Variants in PHF11 observed in about 807,000 individuals in gnomAD.
PHF11 encodes the protein BRCA1 C-terminus-associated protein.
In PHF11, 38 loss-of-function variants were observed where a neutral mutation model predicts 40.5. That is an observed-to-expected ratio of 0.94 (90% CI 0.72 to 1.23). The LOEUF (loss-of-function observed/expected upper bound fraction) is 1.23. PHF11 is among the 50% of genes most tolerant of loss of function. The pLI is 0.00. For missense variants in PHF11, 369 were observed against 392.4 expected, an observed-to-expected ratio of 0.94 and a Z score of 0.50; for synonymous variants, 127 against 138.2, an observed-to-expected ratio of 0.92 and a Z score of 0.57.
intron 1 of PHF11, among the ~76,000 whole-genome samples, chr13:49,500,208 C>G (rs1958880743): frequency 6.6e-6 from 1 of 152,190 alleles, no homozygotes; most frequent in African/African-American, 2.4e-5. Context: ...GGGTCAGGCT[C>G]TGTGAGTCCT....
rs778406326 is a variant in PHF11 at position 49,528,518 on chromosome 13, G to GA, written c.856dup (p.Ile286AsnfsTer16). ...TATTTCTTCTTTTCATAGCAATAGA[G>GA]AAAAAAATTCATGCATCTCAACAAA... On this transcript the variant is annotated frameshift_variant, in exon 10 of 10. Transcript: ENST00000378319. LOFTEE classifies it low-confidence loss of function (END_TRUNC). 1.5e-5 allele frequency: 24 copies of GA among 1,593,886 alleles called. No individual in the cohort carries two copies. In the Admixed American group the frequency reaches 1.6e-4, roughly 11 times the overall value.
chr13:49,522,771 T>G (rs956549380), intron 6 of PHF11, among the ~76,000 whole-genome samples: 16 of 148,658 alleles, frequency 1.1e-4, no homozygotes, highest in South Asian at 4.3e-4. Flanking sequence ...TTTTTTGTTT[T>G]TTTTTTTTTT....
chr13:49,513,038 AT>A lies in PHF11; in HGVS notation c.217-12del, dbSNP rs557643908. 1,288 of 1,197,910 alleles carry A rather than the reference AT, an allele frequency of 1.1e-3. No individual in the cohort carries two copies. The highest frequency in any genetic ancestry group is 2.1e-3 in the Middle Eastern group (11 of 5,184). 74.2% of individuals were successfully genotyped at this position (1,197,910 alleles called of 1,614,324 possible). A position where few individuals can be genotyped will look rare whatever the true frequency, so the allele number is the denominator to read the frequency against. ...CAATATTACTTTGTGCATACTCTGGATTTTTTTTTCCAATCTGCAGCTGTAT... is the reference window on the plus strand; with the variant it reads ...CAATATTACTTTGTGCATACTCTGGATTTTTTTTCCAATCTGCAGCTGTAT... On this transcript the variant is annotated intron_variant, in intron 2 of 9. Coordinates refer to ENST00000378319, the MANE Select transcript of PHF11 (RefSeq NM_001040443.3).
chr13:49,518,204 G>A, intron 4 of PHF11, 53 bp downstream of exon 4: 2 of 1,318,108 alleles, frequency 1.5e-6, no homozygotes, highest in East Asian at 2.4e-5. Flanking sequence ...GATAAGGAAT[G>A]GTTGGATTAA....
intron 1 of PHF11, among the ~76,000 whole-genome samples, chr13:49,504,069 T>C (rs1290785471): frequency 6.6e-6 from 1 of 152,162 alleles, no homozygotes; most frequent in African/African-American, 2.4e-5. Flanking sequence ...TTTTCAGTGA[T>C]ATCTGTGGCT....
At chr13:49,496,209 G>A (rs1364502437) in intron 1 of PHF11, 114 bp downstream of exon 1, 19 of 695,256 alleles carry the variant, frequency 2.7e-5, no homozygotes, top group East Asian at 1.1e-4. Flanking sequence ...CCCCTACTCC[G>A]GGCCGGGGCC....
chr13:49,506,171 A>G (rs913432717), intron 1 of PHF11, among the ~76,000 whole-genome samples: 2 of 151,926 alleles, frequency 1.3e-5, no homozygotes, highest in East Asian at 1.9e-4. Context: ...GCCAAGGCAG[A>G]AGGATCACTT....
chr13:49,519,578 T>C (rs1006781871), intron 4 of PHF11, among the ~76,000 whole-genome samples: 2 of 151,902 alleles, frequency 1.3e-5, no homozygotes, highest in African/African-American at 4.8e-5. Flanking sequence ...GAATAAAATA[T>C]AGATTGAACC....
intron 2 of PHF11, among the ~76,000 whole-genome samples, chr13:49,512,087 A>G (rs1313307183): frequency 6.6e-6 from 1 of 152,234 alleles, no homozygotes; most frequent in East Asian, 1.9e-4. Flanking sequence ...TAGGCAGTCT[A>G]GTAGATATAT....
In PHF11 at chr13:49,528,595, C is replaced by A; in HGVS notation, c.926C>A (p.Thr309Asn). 1 of 1,611,236 alleles carries A rather than the reference C, an allele frequency of 6.2e-7. No individual in the cohort carries two copies. The highest frequency in any genetic ancestry group is 8.5e-7 in the Non-Finnish European group (1 of 1,177,596). Residue 309 changes from threonine (T) to asparagine (N), a missense_variant, in exon 10 of 10, where the codon ACC becomes AAC. Coordinates refer to ENST00000378319, the MANE Select transcript of PHF11 (RefSeq NM_001040443.3). ...EIELLQDLKQ[T>N]LCSFQENRDL... ...GAGCTACTTCAGGACTTAAAACAAA[C>A]CTTGTGCTCTTTTCAAGAAAATAGA...
chr13:49,505,879 T>C (rs1194221065), intron 1 of PHF11, among the ~76,000 whole-genome samples: 1 of 152,246 alleles, frequency 6.6e-6, no homozygotes, highest in Non-Finnish European at 1.5e-5. Context: ...TGCTCATTTA[T>C]GTCTTTAATT....
Position 49,528,574 on chromosome 13 carries a change from T to C in PHF11, c.905T>C (p.Leu302Pro), listed in dbSNP as rs934481335. The change falls in exon 10 of 10, where the codon CTA becomes CCA. Residue 302 changes from leucine (L) to proline (P), a missense_variant. Coordinates refer to ENST00000378319, the MANE Select transcript of PHF11 (RefSeq NM_001040443.3). ...CAGCAGTTGAAGGAAGAGATTGAGC[T>C]ACTTCAGGACTTAAAACAAACCTTG... The part of the protein sequence containing the change: ...RWQQLKEEIE[L>P]LQDLKQTLCS... 2 of 1,612,004 alleles carry C rather than the reference T, an allele frequency of 1.2e-6. No individual in the cohort carries two copies. Among genetic ancestry groups the C allele is most frequent in the Admixed American group, 3.3e-5 (2 of 59,926 alleles).
In PHF11 at chr13:49,495,962, A is replaced by C. The variant is rs1958795751; in HGVS notation, c.-40A>C. 7.4e-7 allele frequency: 1 copy of C among 1,350,710 alleles called. No homozygotes were observed. The highest frequency in any genetic ancestry group is 1.0e-6 in the Non-Finnish European group (1 of 994,656). 83.7% of individuals were successfully genotyped at this position (1,350,710 alleles called of 1,614,324 possible). A position where few individuals can be genotyped will look rare whatever the true frequency, so the allele number is the denominator to read the frequency against. On this transcript the variant is annotated 5_prime_UTR_variant, in exon 1 of 10. Coordinates refer to ENST00000378319, the MANE Select transcript of PHF11 (RefSeq NM_001040443.3). The stretch of plus-strand genomic sequence containing the variant: ...CTAGTGCAGCTGGGGCACTTCCGGG[A>C]TCTCGCTATCCGGCCGCCACCCGCA...
intron 1 of PHF11, among the ~76,000 whole-genome samples, chr13:49,505,359 C>T (rs1464646892): frequency 4.6e-5 from 7 of 152,078 alleles, no homozygotes; most frequent in East Asian, 1.9e-4. Context: ...GTGAAATAAA[C>T]GCTAGCTCCA....
In PHF11 at chr13:49,524,097, A is replaced by C; in HGVS notation, c.650A>C (p.Lys217Thr). The change falls in exon 8 of 10, where the codon AAA (lysine) becomes ACA (threonine). Residue 217 changes from lysine to threonine, a missense_variant. Coordinates refer to ENST00000378319, the MANE Select transcript of PHF11 (RefSeq NM_001040443.3). ...GTCTTATTCTTAGATGCAACTGTGAAAGTTCCTTTTCTTAAGAAATGCAAG... is the reference window on the plus strand; with the variant it reads ...GTCTTATTCTTAGATGCAACTGTGACAGTTCCTTTTCTTAAGAAATGCAAG... Reference protein sequence around the residue: ...EHGRHTDATVKVPFLKKCKEA... With the variant: ...EHGRHTDATVTVPFLKKCKEA... The C allele has an allele frequency of 6.2e-7, 1 of 1,606,460 alleles. No individual in the cohort carries two copies. The highest frequency in any genetic ancestry group is 8.5e-7 in the Non-Finnish European group (1 of 1,176,142).
intron 2 of PHF11, among the ~76,000 whole-genome samples, chr13:49,509,861 G>C (rs534338986): frequency 1.3e-5 from 2 of 152,146 alleles, no homozygotes; most frequent in Admixed American, 6.5e-5. Flanking sequence ...CCAGTCTTGC[G>C]TATGTCTTTA....
intron 2 of PHF11, among the ~76,000 whole-genome samples, chr13:49,508,904 A>G (rs890195734): frequency 1.3e-5 from 2 of 152,150 alleles, no homozygotes; most frequent in African/African-American, 4.8e-5. Flanking sequence ...TATGTTTTAC[A>G]TTCTTAATGA....
intron 1 of PHF11, among the ~76,000 whole-genome samples, chr13:49,503,939 G>T (rs1958943209): frequency 6.6e-6 from 1 of 152,070 alleles, no homozygotes; most frequent in African/African-American, 2.4e-5. Flanking sequence ...GGCCAAGCTG[G>T]TCTTGAACTC....
chr13:49,499,564 C>T (rs1230084127), intron 1 of PHF11, among the ~76,000 whole-genome samples: 1 of 152,210 alleles, frequency 6.6e-6, no homozygotes, highest in Non-Finnish European at 1.5e-5. Context: ...CTAGCCACTT[C>T]ATCCTGAGAT....
Sources: gnomAD v4.1 joint callset for allele counts (sites outside exome capture counted in the v4.1 genomes callset) on GRCh38, gnomAD v4.1.1 for gene constraint, MANE v1.5 for transcripts, NCBI Gene and HGNC (gene_info 2026-07-23, HGNC 2026-07-21) for gene names.